FAM110A: variants seen among roughly 807,000 people sequenced by gnomAD.
The protein encoded by FAM110A is family with sequence similarity 110 member A.
FAM110A carries 1 observed loss-of-function variant against 4.0 expected under a neutral mutation model. That is an observed-to-expected ratio of 0.25 (90% confidence interval 0.09 to 1.20). The LOEUF (loss-of-function observed/expected upper bound fraction) is 1.20. FAM110A is among the 50% of genes most tolerant of loss of function. The pLI, the probability that FAM110A is intolerant of heterozygous loss-of-function variation, is 0.50. For synonymous variants in FAM110A, 217 were observed against 196.8 expected (o/e 1.10, Z -0.86); for missense variants, 436 against 429.2 (o/e 1.02, Z -0.14).
intron 1 of FAM110A, among the ~76,000 whole-genome samples, chr20:836,803 C>T (rs1204506675): frequency 6.6e-6 from 1 of 152,158 alleles, no homozygotes; most frequent in African/African-American, 2.4e-5. Context: ...ACAGTGACTG[C>T]ACCATTTTAT....
rs1980161171 is a variant in FAM110A, at chr20:844,698, T to A, written c.-97-10T>A. The A allele has an allele frequency of 7.9e-7, 1 of 1,261,984 alleles. No individual in the cohort carries two copies. 78.2% of individuals were successfully genotyped at this position (1,261,984 alleles called of 1,614,324 possible). A position where few individuals can be genotyped will look rare whatever the true frequency, so the allele number is the denominator to read the frequency against. On this transcript the variant is annotated splice_polypyrimidine_tract_variant and intron_variant, in intron 1 of 1. Transcript: ENST00000381941. ...GGCTTTTTTTTTTTTTTCTCTCTCC[T>A]TCCCTGCAGCAGTGGCCGGTGTCCA... is the stretch of plus-strand genomic sequence containing the variant.
intron 1 of FAM110A, chr20:839,512 C>T (rs1434589158): frequency 4.0e-6 from 4 of 1,011,582 alleles, no homozygotes; most frequent in Non-Finnish European, 6.3e-6. Context: ...GTTGCTGACC[C>T]AGCCCCAGCC....
chr20:836,357 A>G (rs1397117302), intron 1 of FAM110A, among the ~76,000 whole-genome samples: 1 of 151,924 alleles, frequency 6.6e-6, no homozygotes, highest in East Asian at 1.9e-4. Flanking sequence ...TACATTCCCC[A>G]TTGCCTCTCC....
intron 1 of FAM110A, among the ~76,000 whole-genome samples, chr20:835,237 C>T (rs982635292): frequency 4.0e-5 from 6 of 150,240 alleles, no homozygotes; most frequent in African/African-American, 1.5e-4. Context: ...TATACACACA[C>T]ACATATATGT....
rs1979792857 is a variant in FAM110A at position 839,951 on chromosome 20, A to G, written c.-97-4757A>G. ...CCTTAAAAAGGAGTTCATGAATGGCAATCCGGTTCTTCTTAGGCATCAGCA... is the reference window on the plus strand; with the variant it reads ...CCTTAAAAAGGAGTTCATGAATGGCGATCCGGTTCTTCTTAGGCATCAGCA... On this transcript the variant is annotated intron_variant, in intron 1 of 1. Transcript: ENST00000381941. 6 of 1,515,782 alleles carry G rather than the reference A, an allele frequency of 4.0e-6. No homozygotes were observed. The East Asian group carries it at 1.4e-4, about 34-fold the overall frequency. The allele number at this position is 1,515,782 out of a possible 1,614,324, so 93.9% of individuals were successfully genotyped here. A position where few individuals can be genotyped will look rare whatever the true frequency, so the allele number is the denominator to read the frequency against.
In FAM110A at chr20:834,339, C is replaced by T. The variant is rs137952437; in HGVS notation, c.-98+388C>T. ...TCCTTCTCCGCAGTCCGGGGTTGGA[C>T]TCGGCTCATTTGGCGCCTTTCTGTC... is the stretch of plus-strand genomic sequence containing the variant. On this transcript the variant is annotated intron_variant, in intron 1 of 1. Coordinates refer to ENST00000381941, the MANE Select transcript of FAM110A (RefSeq NM_001042353.3). The surrounding 1 kb of genome is among the most constrained non-coding windows in gnomAD (Gnocchi z 5.6). 2.2e-3 allele frequency among the ~76,000 whole-genome samples: 337 copies of T among 152,336 alleles called. 5 individuals are homozygous for T. The highest frequency in any genetic ancestry group is 3.4e-3 in the Middle Eastern group (1 of 294).
chr20:844,178 G>A (rs770935547), intron 1 of FAM110A, among the ~76,000 whole-genome samples: 8 of 152,354 alleles, frequency 5.3e-5, no homozygotes, highest in Non-Finnish European at 1.2e-4. Flanking sequence ...CAGGTGGGGT[G>A]TGGGGCTGGA....
chr20:844,718 T>G lies in FAM110A; in HGVS notation c.-87T>G. The G allele has an allele frequency of 7.5e-7, 1 of 1,329,522 alleles. No individual in the cohort carries two copies. Among genetic ancestry groups the G allele is most frequent in the Non-Finnish European group, 9.6e-7 (1 of 1,042,932 alleles). The allele number at this position is 1,329,522 out of a possible 1,614,324, so 82.4% of individuals were successfully genotyped here. ...TCTCCTTCCCTGCAGCAGTGGCCGG[T>G]GTCCAGCTGCCTACTTTCTGCCCGG... is the stretch of plus-strand genomic sequence containing the variant. On this transcript the variant is annotated 5_prime_UTR_variant, in exon 2 of 2. Transcript: ENST00000381941.
chr20:835,188 CTCTCTCTCTCTCTA>C (rs1189344050), intron 1 of FAM110A, among the ~76,000 whole-genome samples: 7 of 128,628 alleles, frequency 5.4e-5, no homozygotes, highest in Non-Finnish European at 1.0e-4. Flanking sequence ...CTCTCTCTCT[CTCTCTCTCTCTCTA>C]TATATATATA....
At chr20:841,643 T>C (rs1477886947) in intron 1 of FAM110A, among the ~76,000 whole-genome samples, 1 of 151,884 alleles carries the variant, frequency 6.6e-6, no homozygotes, top group Non-Finnish European at 1.5e-5. Flanking sequence ...GCTGGGGAGC[T>C]AGTGGGGAGG....
intron 1 of FAM110A, among the ~76,000 whole-genome samples, chr20:841,995 A>G (rs1979951978): frequency 6.6e-6 from 1 of 152,162 alleles, no homozygotes; most frequent in South Asian, 2.1e-4. Context: ...GTTAGTCGAA[A>G]TCTTCTTGAA....
In FAM110A at chr20:844,867, GACCAGGGTCCCT is replaced by G; in HGVS notation, c.64_75del (p.Thr22_Pro25del). ...CCCCCGCCCTACCTTGCCGCCTGCG[GACCAGGGTCCCT>G]GGCTACCTGCTACGGGGGCCGGCAG... On this transcript the variant is annotated inframe_deletion, in exon 2 of 2. Transcript: ENST00000381941. 6.5e-7 allele frequency: 1 copy of G among 1,543,972 alleles called. No homozygotes were observed. Among genetic ancestry groups the G allele is most frequent in the South Asian group, 1.2e-5 (1 of 83,218 alleles).
At chr20:843,584 T>G (rs1279388653) in intron 1 of FAM110A, among the ~76,000 whole-genome samples, 1 of 152,212 alleles carries the variant, frequency 6.6e-6, no homozygotes, top group Non-Finnish European at 1.5e-5. Flanking sequence ...TAAGCCTTCT[T>G]GGGGAACACC....
chr20:844,876 C>G lies in FAM110A; in HGVS notation c.72C>G (p.Val24=), dbSNP rs1008026707. The change falls in exon 2 of 2, where the codon GTC becomes GTG. Residue 24 remains valine (V), a synonymous_variant. Coordinates refer to ENST00000381941, the MANE Select transcript of FAM110A (RefSeq NM_001042353.3). The part of the protein sequence containing the change: ...PALPCRLRTR[V]PGYLLRGPAD... Reference sequence around the variant, plus strand: ...TACCTTGCCGCCTGCGGACCAGGGTCCCTGGCTACCTGCTACGGGGGCCGG... The same window carrying G: ...TACCTTGCCGCCTGCGGACCAGGGTGCCTGGCTACCTGCTACGGGGGCCGG... The G allele has an allele frequency of 6.5e-7, 1 of 1,548,746 alleles. No homozygotes were observed. Among genetic ancestry groups the G allele is most frequent in the African/African-American group, 1.4e-5 (1 of 72,896 alleles).
Position 844,823 on chromosome 20 carries a change from A to T in FAM110A, c.19A>T (p.Ser7Cys). 1 of 1,501,210 alleles carries T rather than the reference A, an allele frequency of 6.7e-7. No homozygotes were observed. The highest frequency in any genetic ancestry group is 8.9e-7 in the Non-Finnish European group (1 of 1,126,822). The allele number at this position is 1,501,210 out of a possible 1,614,324, so 93.0% of individuals were successfully genotyped here. ...AGCAGCCATGCCTGTGCACACGCTGAGCCCCGGAGCCCCGTCCGCCCCCGC... is the reference window on the plus strand; with the variant it reads ...AGCAGCCATGCCTGTGCACACGCTGTGCCCCGGAGCCCCGTCCGCCCCCGC... MPVHTL[S>C]PGAPSAPALP... Residue 7 changes from serine (S) to cysteine (C), a missense_variant, in exon 2 of 2, where the codon AGC becomes TGC. Physicochemically the swap from Ser to Cys is moderately radical, Grantham distance 112. Coordinates refer to ENST00000381941, the MANE Select transcript of FAM110A (RefSeq NM_001042353.3).
intron 1 of FAM110A, 60 bp from the exon 2 acceptor site, chr20:844,639 AGCCGCGGCT>A (rs1390333882): frequency 8.7e-7 from 1 of 1,153,132 alleles, no homozygotes; most frequent in Non-Finnish European, 1.1e-6. Context: ...TTATCCTCTC[AGCCGCGGCT>A]GAGCCTCTTT....
intron 1 of FAM110A, among the ~76,000 whole-genome samples, chr20:838,229 C>A (rs370656449): frequency 6.6e-6 from 1 of 152,196 alleles, no homozygotes; most frequent in African/African-American, 2.4e-5. Context: ...CTAAGAAGGA[C>A]ACAACATCAC....
chr20:841,324 C>T, intron 1 of FAM110A: 1 of 152,532 alleles, frequency 6.6e-6, no homozygotes, highest in Non-Finnish European at 1.5e-5. Context: ...CGGGTACGTG[C>T]GGACCGCGGC....
chr20:844,957 C>G lies in FAM110A; in HGVS notation c.153C>G (p.Ala51=), dbSNP rs764162128. 1.3e-5 allele frequency: 21 copies of G among 1,593,502 alleles called. No homozygotes were observed. Among genetic ancestry groups the G allele is most frequent in the Non-Finnish European group, 1.8e-5 (21 of 1,170,996 alleles). Residue 51 remains alanine, a synonymous_variant, in exon 2 of 2, where the codon GCC becomes GCG. Transcript: ENST00000381941. ...SAVERLEADK[A]KYVKSLHVAN... is the part of the protein sequence containing the mutation. ...TGGAGCGCCTGGAGGCCGACAAGGC[C>G]AAGTACGTCAAGAGCCTGCACGTGG...
Sources: allele counts gnomAD v4.1 joint callset (sites outside exome capture counted in the v4.1 genomes callset), GRCh38; gene constraint gnomAD v4.1.1; non-coding constraint Gnocchi (gnomAD v3.1); transcripts MANE v1.5; gene names NCBI Gene and HGNC (gene_info 2026-07-23, HGNC 2026-07-21).